The following HAS3 variants were observed in gnomAD, a reference collection of about 807,000 sequenced individuals.
The protein encoded by HAS3 is hyaluronan synthase 3.
Under a neutral mutation model 50.3 loss-of-function variants are expected in HAS3, and 27 were observed. That is an observed-to-expected ratio of 0.54 (90% CI 0.40 to 0.74). The LOEUF is 0.74. HAS3 is among the 30% of genes least tolerant of loss of function. HAS3 has a pLI of 0.00. For missense variants in HAS3, 517 were observed against 742.8 expected (o/e 0.70, Z 3.53); for synonymous variants, 339 against 310.9 (o/e 1.09, Z -0.95).
chr16:69,107,710 G>A lies in HAS3; in HGVS notation c.1-1686G>A. The A allele has an allele frequency of 4.1e-6, 4 of 985,392 alleles. No homozygotes were observed. The African/African-American group carries it at 5.2e-5, about 13-fold the overall frequency. The allele number at this position is 985,392 out of a possible 1,614,324, so 61.0% of individuals were successfully genotyped here. ...CCCTTCAGCATGTAAGCTCCGGAGG[G>A]GAATGGGGGCGCTCCTAGGCTGCGG... is the stretch of plus-strand genomic sequence containing the variant. On this transcript the variant is annotated intron_variant, in intron 1 of 3. Coordinates refer to ENST00000569188, the MANE Select transcript of HAS3 (RefSeq NM_001199280.2). This position sits in a 1 kb window ranked among gnomAD's most constrained non-coding sequence, Gnocchi z 5.5.
At chr16:69,118,304 C>A (rs780981876), downstream of HAS3, 2 of 1,155,634 alleles carry the variant, frequency 1.7e-6, no homozygotes, top group South Asian at 1.2e-5. Context: ...AAACTGCATT[C>A]GGTGGGTCTT....
At position 69,117,305 on chromosome 16, in the gene HAS3, T is replaced by G. The variant is rs1449517564; in HGVS notation, c.*2039T>G. 2.0e-6 allele frequency: 2 copies of G among 985,870 alleles called. No homozygotes were observed. Among genetic ancestry groups the G allele is most frequent in the Non-Finnish European group, 1.2e-6 (1 of 829,928 alleles). The allele number at this position is 985,870 out of a possible 1,614,324, so 61.1% of individuals were successfully genotyped here. A position where few individuals can be genotyped will look rare whatever the true frequency, so the allele number is the denominator to read the frequency against. ...CTCCTGGCTGTCCTACCATCAGCTCTGCCTTGCACTGTGGTCGTCAACTTT... is the reference window on the plus strand; with the variant it reads ...CTCCTGGCTGTCCTACCATCAGCTCGGCCTTGCACTGTGGTCGTCAACTTT... On this transcript the variant is annotated 3_prime_UTR_variant, in exon 4 of 4. Transcript: ENST00000569188.
In HAS3 at chr16:69,115,590, C is replaced by A; in HGVS notation, c.*324C>A. 1 of 1,056,994 alleles carries A rather than the reference C, an allele frequency of 9.5e-7. No individual in the cohort carries two copies. 65.5% of individuals were successfully genotyped at this position (1,056,994 alleles called of 1,614,324 possible). On this transcript the variant is annotated 3_prime_UTR_variant, in exon 4 of 4. Transcript: ENST00000569188. ...AGTTGTGCTAAACCAAGTTAAGTCCCATTCAGTGGCAACTTGTGATAGGTA... is the reference window on the plus strand; with the variant it reads ...AGTTGTGCTAAACCAAGTTAAGTCCAATTCAGTGGCAACTTGTGATAGGTA...
At chr16:69,098,567 T>G in the HAS3 span, among the ~76,000 whole-genome samples, 1 of 151,870 alleles carries the variant, frequency 6.6e-6, no homozygotes, top group African/African-American at 2.4e-5. Flanking sequence ...TATTACAAAA[T>G]TGTTTTACTT....
rs1960933461 is a variant in HAS3, at chr16:69,109,778, A to T, written c.383A>T (p.Glu128Val). 5.0e-6 allele frequency: 8 copies of T among 1,611,820 alleles called. No homozygotes were observed. The East Asian group carries it at 1.8e-4, about 36-fold the overall frequency. ...VVMVVDGNRQ[E>V]DAYMLDIFHE... The stretch of plus-strand genomic sequence containing the variant: ...ATGGTGGTGGATGGCAACCGCCAGG[A>T]GGACGCCTACATGCTGGACATCTTC... The change falls in exon 2 of 4, where the codon GAG (glutamate) becomes GTG (valine). Residue 128 changes from glutamate to valine, a missense_variant. Coordinates refer to ENST00000569188, the MANE Select transcript of HAS3 (RefSeq NM_001199280.2). The surrounding 1 kb of genome is among the most constrained non-coding windows in gnomAD (Gnocchi z 5.3).
At position 69,109,941 on chromosome 16, in the gene HAS3, C is replaced by T. The variant is rs1960941507; in HGVS notation, c.546C>T (p.Thr182=). 6.2e-7 allele frequency: 1 copy of T among 1,614,108 alleles called. No individual in the cohort carries two copies. Among genetic ancestry groups the T allele is most frequent in the East Asian group, 2.2e-5 (1 of 44,884 alleles). Reference sequence around the variant, plus strand: ...TGCGGGATGTGGTGCGGGCCAGCACCTTCTCGTGCATCATGCAGAAGTGGG... The same window carrying T: ...TGCGGGATGTGGTGCGGGCCAGCACTTTCTCGTGCATCATGCAGAAGTGGG... ...DRVRDVVRAS[T]FSCIMQKWGG... The change falls in exon 2 of 4, where the codon ACC becomes ACT. Residue 182 remains threonine, a synonymous_variant. Coordinates refer to ENST00000569188, the MANE Select transcript of HAS3 (RefSeq NM_001199280.2). The surrounding 1 kb of genome is among the most constrained non-coding windows in gnomAD (Gnocchi z 5.3).
chr16:69,110,757 T>C (rs1385927088), intron 2 of HAS3, among the ~76,000 whole-genome samples: 4 of 152,204 alleles, frequency 2.6e-5, no homozygotes, highest in Non-Finnish European at 5.9e-5. Flanking sequence ...AGTCTTCTCT[T>C]ACCTGTGATG....
Position 69,109,069 on chromosome 16 carries a change from C to A in HAS3, c.1-327C>A, listed in dbSNP as rs1960905917. On this transcript the variant is annotated intron_variant, in intron 1 of 3. Coordinates refer to ENST00000569188, the MANE Select transcript of HAS3 (RefSeq NM_001199280.2). The surrounding 1 kb of genome is among the most constrained non-coding windows in gnomAD (Gnocchi z 5.3). ...TCTGCCACCCACCAGCCAGATGTCA[C>A]GTGACCCTCTGGGCCTTGGCTTGTC... 6.6e-6 allele frequency among the ~76,000 whole-genome samples: 1 copy of A among 152,184 alleles called. No individual in the cohort carries two copies. The highest frequency in any genetic ancestry group is 1.5e-5 in the Non-Finnish European group (1 of 68,030).
rs375955951 is a variant in HAS3 at position 69,113,573 on chromosome 16, G to A, written c.738+31G>A. 1.3e-3 allele frequency: 1,675 copies of A among 1,322,426 alleles called. 35 individuals are homozygous for A. In the South Asian group the frequency reaches 0.019, roughly 15 times the overall value. 81.9% of individuals were successfully genotyped at this position (1,322,426 alleles called of 1,614,324 possible). A position where few individuals can be genotyped will look rare whatever the true frequency, so the allele number is the denominator to read the frequency against. On this transcript the variant is annotated intron_variant, in intron 3 of 3. Coordinates refer to ENST00000569188, the MANE Select transcript of HAS3 (RefSeq NM_001199280.2). ...ATGAGACCAGGGATATCTGTGGGGA[G>A]GGGTCTGGACTCTTTTTCCTAATCC...
chr16:69,085,759 A>T, the HAS3 span, among the ~76,000 whole-genome samples: 5 of 141,110 alleles, frequency 3.5e-5, no homozygotes, highest in South Asian at 1.2e-3. Context: ...TGTGTTTTTT[A>T]GTAGAGACAG....
upstream of HAS3, among the ~76,000 whole-genome samples, chr16:69,103,035 G>A (rs1960713322): frequency 6.7e-6 from 1 of 149,688 alleles, no homozygotes; most frequent in African/African-American, 2.4e-5. Flanking sequence ...GTGTGTGTGT[G>A]TGTGTGTTTC....
At chr16:69,088,644 G>T in the HAS3 span, among the ~76,000 whole-genome samples, 1 of 152,044 alleles carries the variant, frequency 6.6e-6, no homozygotes, top group Non-Finnish European at 1.5e-5. Flanking sequence ...AGGGAGGAGC[G>T]TGGGAACAGT....
chr16:69,111,574 C>G (rs1471707334), intron 2 of HAS3, among the ~76,000 whole-genome samples: 1 of 152,208 alleles, frequency 6.6e-6, no homozygotes, highest in Non-Finnish European at 1.5e-5. Context: ...CTGGTGTACA[C>G]ACCTAAAATT....
the HAS3 span, among the ~76,000 whole-genome samples, chr16:69,096,376 T>C: frequency 6.6e-6 from 1 of 150,432 alleles, no homozygotes; most frequent in Non-Finnish European, 1.5e-5. Flanking sequence ...ACTAAAAATA[T>C]TTTTTGACAA....
Position 69,109,838 on chromosome 16 carries a change from T to G in HAS3, c.443T>G (p.Phe148Cys), listed in dbSNP as rs1960935700. Residue 148 changes from phenylalanine to cysteine, a missense_variant, in exon 2 of 4, where the codon TTC (phenylalanine) becomes TGC (cysteine). Phe to Cys is a radical substitution (Grantham distance 205). Coordinates refer to ENST00000569188, the MANE Select transcript of HAS3 (RefSeq NM_001199280.2). This position sits in a 1 kb window ranked among gnomAD's most constrained non-coding sequence, Gnocchi z 5.3. Reference protein sequence around the residue: ...EVLGGTEQAGFFVWRSNFHEA... With the variant: ...EVLGGTEQAGCFVWRSNFHEA... ...CTGGGCGGCACCGAGCAGGCCGGCTTCTTTGTGTGGCGCAGCAACTTCCAT... is the reference window on the plus strand; with the variant it reads ...CTGGGCGGCACCGAGCAGGCCGGCTGCTTTGTGTGGCGCAGCAACTTCCAT... 1 of 1,613,176 alleles carries G rather than the reference T, an allele frequency of 6.2e-7. No homozygotes were observed. The highest frequency in any genetic ancestry group is 1.1e-5 in the South Asian group (1 of 91,094).
the HAS3 span, among the ~76,000 whole-genome samples, chr16:69,091,665 C>T: frequency 6.6e-6 from 1 of 152,164 alleles, no homozygotes; most frequent in East Asian, 1.9e-4. Context: ...CAGGGACACG[C>T]TAATATGCTT....
At chr16:69,098,211 A>C in the HAS3 span, among the ~76,000 whole-genome samples, 2 of 152,110 alleles carry the variant, frequency 1.3e-5, no homozygotes, top group Admixed American at 6.5e-5. Context: ...CTCTACTAAA[A>C]ATACAAAAAA....
chr16:69,085,542 G>A, the HAS3 span, among the ~76,000 whole-genome samples: 1 of 151,970 alleles, frequency 6.6e-6, no homozygotes, highest in Non-Finnish European at 1.5e-5. Flanking sequence ...TGGGATTACA[G>A]GTATGTGCCA....
At chr16:69,104,421 C>G (rs938544116), upstream of HAS3, among the ~76,000 whole-genome samples, 8 of 151,986 alleles carry the variant, frequency 5.3e-5, no homozygotes, top group African/African-American at 1.7e-4. Flanking sequence ...CTCAACCTTC[C>G]CAGTGGCTGG....
Sources: allele counts gnomAD v4.1 joint callset (sites outside exome capture counted in the v4.1 genomes callset), GRCh38; gene constraint gnomAD v4.1.1; non-coding constraint Gnocchi (gnomAD v3.1); transcripts MANE v1.5; gene names NCBI Gene and HGNC (gene_info 2026-07-23, HGNC 2026-07-21).